Variants in KIF6 observed in about 807,000 individuals in gnomAD.
KIF6 encodes the protein kinesin-like protein KIF6.
In KIF6, 106 loss-of-function variants were observed where a neutral mutation model predicts 112.7. The ratio of observed to expected loss-of-function variants is 0.94; its 90% CI spans 0.80 to 1.11. KIF6 has a LOEUF of 1.11. Ranked by LOEUF, KIF6 falls within the 50% of genes least tolerant of loss-of-function variation. The pLI, the probability that KIF6 is intolerant of heterozygous loss-of-function variation, is 0.00. For missense variants in KIF6, 929 were observed against 964.0 expected (o/e 0.96, Z 0.48); for synonymous variants, 339 against 339.9 (o/e 1.00, Z 0.03).
chr6:39,519,995 C>T (rs930689476), intron 13 of KIF6, among the ~76,000 whole-genome samples: 19 of 152,200 alleles, frequency 1.2e-4, no homozygotes, highest in African/African-American at 4.3e-4. Flanking sequence ...GCACTCCAGC[C>T]TGGGCAACAG....
At chr6:39,663,913 A>C (rs190752875) in intron 3 of KIF6, among the ~76,000 whole-genome samples, 19 of 151,940 alleles carry the variant, frequency 1.3e-4, no homozygotes, top group African/African-American at 4.6e-4. Context: ...AAAGCAATTT[A>C]ATCACCACTA....
chr6:39,595,421 G>A (rs1782197959), intron 7 of KIF6, among the ~76,000 whole-genome samples: 1 of 152,204 alleles, frequency 6.6e-6, no homozygotes, highest in Admixed American at 6.5e-5. Context: ...ATCTGTAAGA[G>A]GGGGATAGTA....
intron 6 of KIF6, among the ~76,000 whole-genome samples, chr6:39,600,304 C>T (rs1782502203): frequency 6.6e-6 from 1 of 152,158 alleles, no homozygotes; most frequent in Non-Finnish European, 1.5e-5. Context: ...TGATTAATCA[C>T]CTGCATGCAG....
chr6:39,351,190 T>TC (rs1312008585), intron 19 of KIF6, among the ~76,000 whole-genome samples: 1 of 151,426 alleles, frequency 6.6e-6, no homozygotes, highest in African/African-American at 2.4e-5. Flanking sequence ...AACTTTTTTT[T>TC]TTTTTTTTTT....
chr6:39,525,914 T>C (rs1026619645), intron 13 of KIF6, among the ~76,000 whole-genome samples: 6 of 152,064 alleles, frequency 3.9e-5, no homozygotes, highest in Admixed American at 6.6e-5. Flanking sequence ...TACAACTAGA[T>C]GGGAAAATGG....
At chr6:39,644,141 C>A (rs1785044274) in intron 3 of KIF6, among the ~76,000 whole-genome samples, 1 of 139,274 alleles carries the variant, frequency 7.2e-6, no homozygotes, top group African/African-American at 3.0e-5. Context: ...CAATTTCACA[C>A]CCACTAGTAT....
chr6:39,679,614 C>CTTTT (rs55936243), intron 3 of KIF6, among the ~76,000 whole-genome samples: 12 of 106,406 alleles, frequency 1.1e-4, no homozygotes, highest in South Asian at 3.2e-4. Flanking sequence ...CTTTTCTTTT[C>CTTTT]TTTTTTTTTT....
intron 13 of KIF6, among the ~76,000 whole-genome samples, chr6:39,518,327 A>G (rs949636110): frequency 6.6e-6 from 1 of 152,198 alleles, no homozygotes. Context: ...ATGTACACAC[A>G]CATGCTTGCA....
intron 13 of KIF6, among the ~76,000 whole-genome samples, chr6:39,516,553 C>T (rs1330267909): frequency 3.3e-5 from 5 of 150,896 alleles, no homozygotes; most frequent in Non-Finnish European, 4.4e-5. Flanking sequence ...GAAATGATCT[C>T]ATACCCACAG....
intron 9 of KIF6, among the ~76,000 whole-genome samples, chr6:39,584,459 A>AAAAAAAAAAGAC (rs1561836472): frequency 3.8e-4 from 49 of 128,586 alleles, no homozygotes; most frequent in East Asian, 6.8e-4. Context: ...AAAAAAAAAA[A>AAAAAAAAAAGAC]AGACTATTAT....
chr6:39,413,318 A>C (rs1003068929), intron 15 of KIF6, among the ~76,000 whole-genome samples: 2 of 152,156 alleles, frequency 1.3e-5, no homozygotes, highest in African/African-American at 4.8e-5. Context: ...GGCCATAGAT[A>C]AATTTCTGTA....
intron 10 of KIF6, among the ~76,000 whole-genome samples, chr6:39,574,753 T>C (rs1235547984): frequency 1.3e-5 from 2 of 152,158 alleles, no homozygotes; most frequent in African/African-American, 2.4e-5. Context: ...ATCTCTATTT[T>C]CTCCTCACCA....
intron 13 of KIF6, among the ~76,000 whole-genome samples, chr6:39,505,029 C>T (rs1007376058): frequency 1.3e-5 from 2 of 152,122 alleles, no homozygotes; most frequent in Non-Finnish European, 2.9e-5. Context: ...CAAAACAGAG[C>T]CTGAATAGCC....
At position 39,341,000 on chromosome 6, in the gene KIF6, T is replaced by A. The variant is rs1176092088; in HGVS notation, c.2428+2709A>T. Reference sequence around the variant, plus strand: ...CCCCTCTACTTTCTCAAGGAAGTTTTTCCTGCAGCTCTGCTCCCCTCTCCC... The same window carrying A: ...CCCCTCTACTTTCTCAAGGAAGTTTATCCTGCAGCTCTGCTCCCCTCTCCC... On this transcript the variant is annotated intron_variant, in intron 22 of 22. Transcript: ENST00000287152. Among the ~76,000 whole-genome samples, 4 of 152,240 alleles carry A rather than the reference T, an allele frequency of 2.6e-5. No individual in the cohort carries two copies. In the East Asian group the frequency reaches 7.7e-4, roughly 29 times the overall value.
intron 21 of KIF6, among the ~76,000 whole-genome samples, chr6:39,344,383 A>G (rs1454737677): frequency 6.6e-6 from 1 of 152,166 alleles, no homozygotes; most frequent in Non-Finnish European, 1.5e-5. Context: ...ACAGACTAAT[A>G]CAGACCCTTT....
intron 3 of KIF6, among the ~76,000 whole-genome samples, chr6:39,644,476 T>G (rs1422809146): frequency 6.6e-6 from 1 of 152,142 alleles, no homozygotes; most frequent in Non-Finnish European, 1.5e-5. Flanking sequence ...TGGGATATTA[T>G]TTGGCAAGGA....
chr6:39,370,831 G>A (rs1445986472), intron 16 of KIF6, among the ~76,000 whole-genome samples: 2 of 152,074 alleles, frequency 1.3e-5, no homozygotes, highest in Non-Finnish European at 2.9e-5. Flanking sequence ...GCTGGGGGTG[G>A]GGGGCAAGAA....
At chr6:39,633,759 C>T (rs1380343) in intron 5 of KIF6, among the ~76,000 whole-genome samples, 8,780 of 152,188 alleles carry the variant, frequency 0.058, 778 homozygotes, top group African/African-American at 0.19. Flanking sequence ...TCAACGACTT[C>T]CCCTCCTTTA....
intron 13 of KIF6, among the ~76,000 whole-genome samples, chr6:39,520,997 G>A (rs1012069587): frequency 6.6e-6 from 1 of 152,138 alleles, no homozygotes; most frequent in African/African-American, 2.4e-5. Context: ...TTCATCTATC[G>A]TGTTTCCAAA....
Sources: gnomAD v4.1 joint callset for allele counts (sites outside exome capture counted in the v4.1 genomes callset) on GRCh38, gnomAD v4.1.1 for gene constraint, MANE v1.5 for transcripts, NCBI Gene and HGNC (gene_info 2026-07-23, HGNC 2026-07-21) for gene names.